Variants in GRM7 observed in about 807,000 individuals in gnomAD.
GRM7 encodes metabotropic glutamate receptor 7.
A neutral mutation model predicts 84.5 loss-of-function variants in GRM7; 35 were observed. The observed-to-expected ratio is 0.41, with a 90% CI of 0.32 to 0.55. The LOEUF (loss-of-function observed/expected upper bound fraction) is 0.55. Ranked by LOEUF, GRM7 falls within the 20% of genes least tolerant of loss-of-function variation. The probability of loss-of-function intolerance (pLI) is 0.19; values close to 1 mark genes in which losing one functional copy is unlikely to be tolerated. For missense variants in GRM7, 1,003 were observed against 1,194.6 expected (o/e 0.84, Z 2.36); for synonymous variants, 487 against 455.1 (o/e 1.07, Z -0.89).
intron 8 of GRM7, among the ~76,000 whole-genome samples, chr3:7,656,314 C>A (rs894596496): frequency 1.3e-5 from 2 of 151,942 alleles, no homozygotes; most frequent in Non-Finnish European, 2.9e-5. Flanking sequence ...TATGGCAAAA[C>A]CCTGTCTCTA....
At chr3:7,498,283 G>A (rs1699771037) in intron 7 of GRM7, among the ~76,000 whole-genome samples, 1 of 152,138 alleles carries the variant, frequency 6.6e-6, no homozygotes, top group Non-Finnish European at 1.5e-5. Flanking sequence ...AGGGGCAATA[G>A]CCTACAATGC....
rs531210603 is a variant in GRM7 at position 7,162,194 on chromosome 3, A to G, written c.736+15526A>G. On this transcript the variant is annotated intron_variant, in intron 2 of 9. Transcript: ENST00000357716. The stretch of plus-strand genomic sequence containing the variant: ...AGTTAGATGTATAAATCTAGAGTTA[A>G]GAGGGGAAGTCCACAATAGAGACCT... 7.2e-5 allele frequency among the ~76,000 whole-genome samples: 11 copies of G among 152,268 alleles called. No homozygotes were observed. The East Asian group carries it at 1.7e-3, about 24-fold the overall frequency.
intron 1 of GRM7, among the ~76,000 whole-genome samples, chr3:6,994,036 T>A (rs915856995): frequency 5.9e-5 from 9 of 152,292 alleles, no homozygotes; most frequent in African/African-American, 2.2e-4. Context: ...ATTGATTTAT[T>A]AGTGGAAATT....
chr3:7,418,965 TA>T (rs1449892914), intron 5 of GRM7, among the ~76,000 whole-genome samples: 1 of 152,196 alleles, frequency 6.6e-6, no homozygotes, highest in Non-Finnish European at 1.5e-5. Context: ...TTGAGTGGAT[TA>T]AATCAGTTAA....
intron 1 of GRM7, among the ~76,000 whole-genome samples, chr3:7,105,569 T>A (rs2125027624): frequency 6.6e-6 from 1 of 152,080 alleles, no homozygotes; most frequent in Non-Finnish European, 1.5e-5. Context: ...AAGACTAATA[T>A]TGTATAAACT....
At chr3:7,557,496 G>A (rs947692622) in intron 7 of GRM7, among the ~76,000 whole-genome samples, 5 of 152,074 alleles carry the variant, frequency 3.3e-5, no homozygotes, top group Non-Finnish European at 7.4e-5. Context: ...AGAAAAATAA[G>A]TTGCCATGTA....
At chr3:6,970,772 G>A (rs1425907749) in intron 1 of GRM7, among the ~76,000 whole-genome samples, 2 of 152,180 alleles carry the variant, frequency 1.3e-5, no homozygotes, top group Admixed American at 1.3e-4. Context: ...GAGGTCAGGA[G>A]ATCGAGACCA....
intron 5 of GRM7, among the ~76,000 whole-genome samples, chr3:7,424,267 T>C (rs982930144): frequency 4.6e-5 from 7 of 152,004 alleles, no homozygotes; most frequent in African/African-American, 1.7e-4. Flanking sequence ...ATAGTGGTGA[T>C]TGATCCTACT....
intron 8 of GRM7, among the ~76,000 whole-genome samples, chr3:7,580,306 C>A (rs747971814): frequency 1.2e-4 from 18 of 152,184 alleles, no homozygotes; most frequent in Admixed American, 2.0e-4. Flanking sequence ...AGAGTTCTAA[C>A]TGACATACTC....
chr3:7,176,964 C>G (rs1695171949), intron 2 of GRM7, among the ~76,000 whole-genome samples: 1 of 152,148 alleles, frequency 6.6e-6, no homozygotes, highest in African/African-American at 2.4e-5. Flanking sequence ...CCACAAGATA[C>G]AAGTAGTACA....
chr3:7,022,451 G>A (rs1041931933), intron 1 of GRM7, among the ~76,000 whole-genome samples: 1 of 151,136 alleles, frequency 6.6e-6, no homozygotes, highest in Admixed American at 6.6e-5. Context: ...CAGTCTTTCT[G>A]CCTCTGTAGC....
intron 2 of GRM7, among the ~76,000 whole-genome samples, chr3:7,152,963 A>T (rs1282833015): frequency 6.6e-6 from 1 of 152,088 alleles, no homozygotes; most frequent in Non-Finnish European, 1.5e-5. Flanking sequence ...GACACAAAAA[A>T]GGCTGGGGCG....
rs1230822664 is a variant in GRM7 at position 7,579,224 on chromosome 3, A to G, written c.2318A>G (p.Tyr773Cys). The change falls in exon 8 of 10, where the codon TAT becomes TGT. Residue 773 changes from tyrosine (Y) to cysteine (C), a missense_variant. By Grantham distance (194) the Tyr-to-Cys change is radical. Coordinates refer to ENST00000357716, the MANE Select transcript of GRM7 (RefSeq NM_000844.4). ...SILLMVTCTV[Y>C]AIKTRGVPEN... ...CTTCTCATGGTCACATGTACTGTGT[A>G]TGCCATCAAGACTCGGGGTGTACCC... 1 of 1,613,844 alleles carries G rather than the reference A, an allele frequency of 6.2e-7. No homozygotes were observed. The highest frequency in any genetic ancestry group is 2.2e-5 in the East Asian group (1 of 44,874).
At chr3:7,258,629 A>C (rs1459648867) in intron 2 of GRM7, among the ~76,000 whole-genome samples, 1 of 152,246 alleles carries the variant, frequency 6.6e-6, no homozygotes, top group Non-Finnish European at 1.5e-5. Flanking sequence ...ATAATAATTT[A>C]AATCTTTTTA....
intron 1 of GRM7, among the ~76,000 whole-genome samples, chr3:7,125,530 T>A (rs1693371042): frequency 6.6e-6 from 1 of 152,204 alleles, no homozygotes; most frequent in Non-Finnish European, 1.5e-5. Context: ...TCCAGATGAC[T>A]AAAGATAAGG....
At chr3:7,027,948 T>A (rs1265740358) in intron 1 of GRM7, among the ~76,000 whole-genome samples, 1 of 152,176 alleles carries the variant, frequency 6.6e-6, no homozygotes, top group Non-Finnish European at 1.5e-5. Flanking sequence ...GTACTTAGCC[T>A]CAAAAGAATT....
intron 2 of GRM7, among the ~76,000 whole-genome samples, chr3:7,178,089 A>G (rs1402057923): frequency 6.6e-6 from 1 of 152,206 alleles, no homozygotes; most frequent in Non-Finnish European, 1.5e-5. Context: ...GGTTAAGCAC[A>G]TCTATTGGCC....
rs185791994 is a variant in GRM7, at chr3:7,673,187, G to A, written c.2452-6862G>A. ...TGAGATAGGTATTACTGTCATCCTC[G>A]CTCCAGTAATGAGGAAACAGAAGCA... On this transcript the variant is annotated intron_variant, in intron 8 of 9. Transcript: ENST00000357716. 1.2e-3 allele frequency among the ~76,000 whole-genome samples: 187 copies of A among 152,156 alleles called. 1 individual carries two copies. Among genetic ancestry groups the A allele is most frequent in the African/African-American group, 4.2e-3 (175 of 41,506 alleles).
rs908196150 is a variant in GRM7 at position 7,151,204 on chromosome 3, C to T, written c.736+4536C>T. ...GGAAGATTTGATTAACTGTTATTAA[C>T]TGTTATTCAGCCTTCAGTTTTTTAG... is the stretch of plus-strand genomic sequence containing the variant. On this transcript the variant is annotated intron_variant, in intron 2 of 9. Transcript: ENST00000357716. The surrounding 1 kb of genome is among the most constrained non-coding windows in gnomAD (Gnocchi z 4.5). Among the ~76,000 whole-genome samples, 5 of 151,994 alleles carry T rather than the reference C, an allele frequency of 3.3e-5. No homozygotes were observed. The highest frequency in any genetic ancestry group is 1.2e-4 in the African/African-American group (5 of 41,392).
Sources: allele counts gnomAD v4.1 joint callset (sites outside exome capture counted in the v4.1 genomes callset), GRCh38; gene constraint gnomAD v4.1.1; non-coding constraint Gnocchi (gnomAD v3.1); transcripts MANE v1.5; gene names NCBI Gene and HGNC (gene_info 2026-07-23, HGNC 2026-07-21).